Variants in RNGTT observed in about 807,000 individuals in gnomAD.
The protein encoded by RNGTT is mRNA-capping enzyme.
Under a neutral mutation model 79.3 loss-of-function variants are expected in RNGTT, and 33 were observed. The ratio of observed to expected loss-of-function variants is 0.42; its 90% CI spans 0.32 to 0.56. The LOEUF is 0.56. RNGTT is among the 20% of genes least tolerant of loss of function. The probability of loss-of-function intolerance (pLI) is 0.17; values close to 1 mark genes in which losing one functional copy is unlikely to be tolerated. For synonymous variants in RNGTT, 222 were observed against 235.9 expected, an observed-to-expected ratio of 0.94 and a Z score of 0.54; for missense variants, 497 against 739.1, an observed-to-expected ratio of 0.67 and a Z score of 3.80.
At chr6:88,820,316 T>A (rs1421523598) in intron 11 of RNGTT, among the ~76,000 whole-genome samples, 1 of 152,150 alleles carries the variant, frequency 6.6e-6, no homozygotes, top group East Asian at 1.9e-4. Context: ...CAGCCCTCCA[T>A]GTTTGGCTAA....
At position 88,922,703 on chromosome 6, in the gene RNGTT, A is replaced by AT. The variant is rs1467564442; in HGVS notation, c.367+6281dup. 7.9e-5 allele frequency among the ~76,000 whole-genome samples: 12 copies of AT among 151,888 alleles called. No homozygotes were observed. In the East Asian group the frequency reaches 1.6e-3, roughly 20 times the overall value. ...CCACCACGCCCAGCTAATTTTTTGTATTTTTTTATTAGAAACAGGGTTTCA... is the reference window on the plus strand; with the variant it reads ...CCACCACGCCCAGCTAATTTTTTGTATTTTTTTTATTAGAAACAGGGTTTCA... On this transcript the variant is annotated intron_variant, in intron 4 of 15. Coordinates refer to ENST00000369485, the MANE Select transcript of RNGTT (RefSeq NM_003800.5).
chr6:88,828,265 C>T (rs1476454897), intron 11 of RNGTT, among the ~76,000 whole-genome samples: 1 of 152,136 alleles, frequency 6.6e-6, no homozygotes, highest in Admixed American at 6.5e-5. Context: ...TGGACTGGAC[C>T]CCCAGCAAAC....
chr6:88,665,482 G>A (rs571710069), intron 14 of RNGTT, among the ~76,000 whole-genome samples: 180 of 152,302 alleles, frequency 1.2e-3, no homozygotes, highest in African/African-American at 3.9e-3. Context: ...CAGGACTTGC[G>A]ATTGGTCAAT....
rs72911629 is a variant in RNGTT at position 88,941,912 on chromosome 6, A to T, written c.65-732T>A. On this transcript the variant is annotated intron_variant, in intron 1 of 15. Coordinates refer to ENST00000369485, the MANE Select transcript of RNGTT (RefSeq NM_003800.5). ...AAAAAGTTATTAATTTAAAACTCTTAAAAACATAAGCAATCTTCCTGCCTA... is the reference window on the plus strand; with the variant it reads ...AAAAAGTTATTAATTTAAAACTCTTTAAAACATAAGCAATCTTCCTGCCTA... 6.4e-3 allele frequency among the ~76,000 whole-genome samples: 974 copies of T among 152,318 alleles called. 5 individuals are homozygous for T. The highest frequency in any genetic ancestry group is 0.011 in the Non-Finnish European group (759 of 68,032).
At chr6:88,685,050 T>C (rs767309780) in intron 13 of RNGTT, among the ~76,000 whole-genome samples, 1 of 152,150 alleles carries the variant, frequency 6.6e-6, no homozygotes, top group Non-Finnish European at 1.5e-5. Context: ...CTAAAAAGAC[T>C]ACATACTATA....
At chr6:88,898,685 A>T (rs1183807723) in intron 6 of RNGTT, among the ~76,000 whole-genome samples, 1 of 149,220 alleles carries the variant, frequency 6.7e-6, no homozygotes, top group Non-Finnish European at 1.5e-5. Context: ...ATATATATAT[A>T]TTATATATAT....
intron 4 of RNGTT, among the ~76,000 whole-genome samples, chr6:88,925,392 A>G (rs1349962204): frequency 6.6e-6 from 1 of 152,046 alleles, no homozygotes; most frequent in Non-Finnish European, 1.5e-5. Flanking sequence ...GGAGTTCAAG[A>G]CCAGCCTAGG....
At chr6:88,952,839 G>A (rs1219502874) in intron 1 of RNGTT, among the ~76,000 whole-genome samples, 2 of 152,176 alleles carry the variant, frequency 1.3e-5, no homozygotes, top group African/African-American at 4.8e-5. Flanking sequence ...TAACTCCACA[G>A]TGTGACTAGA....
intron 11 of RNGTT, among the ~76,000 whole-genome samples, chr6:88,818,244 T>TAGAAAC (rs1780387439): frequency 6.6e-6 from 1 of 152,138 alleles, no homozygotes; most frequent in African/African-American, 2.4e-5. Context: ...GTCAGCATAT[T>TAGAAAC]AGAAACATAA....
chr6:88,923,357 G>C (rs1005383439), intron 4 of RNGTT, among the ~76,000 whole-genome samples: 2 of 152,112 alleles, frequency 1.3e-5, no homozygotes, highest in African/African-American at 4.8e-5. Flanking sequence ...TAAGTTCGTA[G>C]TCTTGATGAG....
chr6:88,628,694 T>C (rs1292201281), intron 14 of RNGTT, among the ~76,000 whole-genome samples: 2 of 152,192 alleles, frequency 1.3e-5, no homozygotes, highest in Non-Finnish European at 2.9e-5. Context: ...ATCCTTTTTA[T>C]AATAATGAGG....
chr6:88,784,846 C>A (rs1375428773), intron 12 of RNGTT, among the ~76,000 whole-genome samples: 1 of 151,936 alleles, frequency 6.6e-6, no homozygotes, highest in Non-Finnish European at 1.5e-5. Flanking sequence ...CGGACAAATT[C>A]TGAAAAGCAA....
Position 88,929,140 on chromosome 6 carries a change from A to G in RNGTT, c.278+24T>C, listed in dbSNP as rs190768462. On this transcript the variant is annotated intron_variant, in intron 3 of 15. Coordinates refer to ENST00000369485, the MANE Select transcript of RNGTT (RefSeq NM_003800.5). The stretch of plus-strand genomic sequence containing the variant: ...AATTGTGATGAAAGGTTTCAATATT[A>G]AAGAATCTTAATATATAACTTACCC... 3.7e-5 allele frequency: 59 copies of G among 1,576,130 alleles called. No homozygotes were observed. The African/African-American group carries it at 7.6e-4, about 20-fold the overall frequency.
chr6:88,810,483 G>C (rs1299435007), intron 11 of RNGTT, among the ~76,000 whole-genome samples: 1 of 152,150 alleles, frequency 6.6e-6, no homozygotes, highest in Non-Finnish European at 1.5e-5. Flanking sequence ...AGTGTATTCA[G>C]CAACGATGAT....
chr6:88,844,235 C>T, intron 11 of RNGTT, 122 bp downstream of exon 11: 1 of 895,768 alleles, frequency 1.1e-6, no homozygotes, highest in South Asian at 1.8e-5. Flanking sequence ...AGCGCTATAC[C>T]CAATTCGAGT....
At chr6:88,800,890 T>C (rs1015913257) in intron 12 of RNGTT, among the ~76,000 whole-genome samples, 1 of 152,224 alleles carries the variant, frequency 6.6e-6, no homozygotes, top group Non-Finnish European at 1.5e-5. Context: ...TCTATACTCC[T>C]GGCATCTAGT....
At chr6:88,740,298 C>G (rs1777441980) in intron 13 of RNGTT, among the ~76,000 whole-genome samples, 1 of 151,958 alleles carries the variant, frequency 6.6e-6, no homozygotes, top group African/African-American at 2.4e-5. Flanking sequence ...GCAGGAGAAT[C>G]GCTTGAGCCC....
intron 13 of RNGTT, among the ~76,000 whole-genome samples, chr6:88,728,263 T>C (rs1776987836): frequency 6.6e-6 from 1 of 152,258 alleles, no homozygotes; most frequent in South Asian, 2.1e-4. Context: ...TGCCTTGTTA[T>C]ACCCTGTGGG....
rs925958832 is a variant in RNGTT at position 88,958,177 on chromosome 6, G to A, written c.64+5169C>T. Among the ~76,000 whole-genome samples, 6 of 152,298 alleles carry A rather than the reference G, an allele frequency of 3.9e-5. No individual in the cohort carries two copies. The East Asian group carries it at 5.8e-4, about 15-fold the overall frequency. ...TCCTGGGATAACTAACAAGCTACGCGTAGAAGAATGAAACTCATCTCTCAC... is the reference window on the plus strand; with the variant it reads ...TCCTGGGATAACTAACAAGCTACGCATAGAAGAATGAAACTCATCTCTCAC... On this transcript the variant is annotated intron_variant, in intron 1 of 15. Transcript: ENST00000369485.
Sources: allele counts gnomAD v4.1 joint callset (sites outside exome capture counted in the v4.1 genomes callset), GRCh38; gene constraint gnomAD v4.1.1; transcripts MANE v1.5; gene names NCBI Gene and HGNC (gene_info 2026-07-23, HGNC 2026-07-21).